Variants in PIBF1 observed in about 807,000 individuals in gnomAD.
PIBF1 encodes progesterone-induced-blocking factor 1.
PIBF1 carries 90 observed loss-of-function variants against 112.5 expected under a neutral mutation model. That is an observed-to-expected ratio of 0.80 (90% confidence interval 0.67 to 0.95). The LOEUF (loss-of-function observed/expected upper bound fraction) is 0.95. Ranked by LOEUF, PIBF1 falls within the 40% of genes least tolerant of loss-of-function variation. The pLI is 0.00. For synonymous variants in PIBF1, 301 were observed against 288.6 expected (o/e 1.04, Z -0.44); for missense variants, 915 against 852.3 (o/e 1.07, Z -0.92).
intron 17 of PIBF1, among the ~76,000 whole-genome samples, chr13:73,011,512 A>G (rs1426772692): frequency 6.6e-6 from 1 of 152,210 alleles, no homozygotes; most frequent in East Asian, 1.9e-4. Flanking sequence ...TATTTTAACT[A>G]GAAGCTACCC....
chr13:72,882,742 C>T (rs545661352), intron 10 of PIBF1, among the ~76,000 whole-genome samples: 9 of 152,250 alleles, frequency 5.9e-5, no homozygotes, highest in African/African-American at 1.4e-4. Flanking sequence ...AATGAGACAT[C>T]GTCTCACCCC....
chr13:72,902,024 A>G (rs201512335), intron 11 of PIBF1, among the ~76,000 whole-genome samples: 27 of 22,204 alleles, frequency 1.2e-3, no homozygotes, highest in East Asian at 0.011. Flanking sequence ...GTGTGTGTGT[A>G]TACACACACA....
At chr13:72,892,785 T>C (rs1415237889) in intron 10 of PIBF1, among the ~76,000 whole-genome samples, 7 of 140,710 alleles carry the variant, frequency 5.0e-5, no homozygotes, top group South Asian at 2.4e-4. Flanking sequence ...CCTCCTGCCT[T>C]ACACACACAC....
At chr13:72,943,326 T>C (rs1413592703) in intron 14 of PIBF1, among the ~76,000 whole-genome samples, 1 of 152,206 alleles carries the variant, frequency 6.6e-6, no homozygotes, top group Non-Finnish European at 1.5e-5. Flanking sequence ...TAATTTATTG[T>C]ATATTTCAAA....
intron 14 of PIBF1, among the ~76,000 whole-genome samples, chr13:72,950,177 T>G (rs2042258682): frequency 6.6e-6 from 1 of 152,216 alleles, no homozygotes; most frequent in South Asian, 2.1e-4. Flanking sequence ...TTGGTTGGAA[T>G]TAGTATCATT....
intron 16 of PIBF1, among the ~76,000 whole-genome samples, chr13:72,987,858 A>ATTTTT (rs55999445): frequency 1.0e-4 from 6 of 58,118 alleles, no homozygotes; most frequent in South Asian, 8.1e-4. Context: ...TTATTTATTT[A>ATTTTT]TTTTTTTTTT....
intron 5 of PIBF1, among the ~76,000 whole-genome samples, chr13:72,798,625 T>C (rs1292553003): frequency 6.6e-6 from 1 of 152,200 alleles, no homozygotes; most frequent in Non-Finnish European, 1.5e-5. Flanking sequence ...TCAACATTTA[T>C]ATAGAAGGGT....
At chr13:72,912,872 T>C (rs1350677168) in intron 12 of PIBF1, among the ~76,000 whole-genome samples, 2 of 151,974 alleles carry the variant, frequency 1.3e-5, no homozygotes, top group Non-Finnish European at 2.9e-5. Flanking sequence ...TGTATGATTA[T>C]AGTATGTGGT....
At chr13:72,804,195 T>C (rs1344680242) in intron 5 of PIBF1, among the ~76,000 whole-genome samples, 1 of 152,094 alleles carries the variant, frequency 6.6e-6, no homozygotes, top group Admixed American at 6.6e-5. Context: ...CTCTTAACTA[T>C]AGTGGGAGAA....
At chr13:72,803,161 A>C (rs2035562300) in intron 5 of PIBF1, among the ~76,000 whole-genome samples, 1 of 152,148 alleles carries the variant, frequency 6.6e-6, no homozygotes, top group South Asian at 2.1e-4. Context: ...ACTCTTTCTG[A>C]GTAATACTAC....
intron 10 of PIBF1, among the ~76,000 whole-genome samples, chr13:72,870,112 C>T (rs1284766611): frequency 6.6e-6 from 1 of 152,132 alleles, no homozygotes; most frequent in East Asian, 1.9e-4. Context: ...TAGCTAAACT[C>T]ATTTTCCATT....
intron 16 of PIBF1, among the ~76,000 whole-genome samples, chr13:72,982,813 C>A (rs1334643869): frequency 6.6e-6 from 1 of 152,136 alleles, no homozygotes; most frequent in Non-Finnish European, 1.5e-5. Context: ...TCTCCTGTAT[C>A]CAAGGACAAT....
In PIBF1 at chr13:72,950,329, C is replaced by G. The variant is rs184829382; in HGVS notation, c.1834-14945C>G. On this transcript the variant is annotated intron_variant, in intron 14 of 17. Coordinates refer to ENST00000326291, the MANE Select transcript of PIBF1 (RefSeq NM_006346.4). ...AGACCACGTCTTCAAAAAAAGGTAC[C>G]CCTCCAATTCAATAGTGATTTCCTT... Among the ~76,000 whole-genome samples the G allele has an allele frequency of 4.6e-5, 7 of 152,208 alleles. No homozygotes were observed. In the East Asian group the frequency reaches 7.7e-4, roughly 17 times the overall value.
At chr13:73,006,500 G>C (rs1213206888) in intron 17 of PIBF1, among the ~76,000 whole-genome samples, 1 of 152,142 alleles carries the variant, frequency 6.6e-6, no homozygotes, top group Non-Finnish European at 1.5e-5. Context: ...ACTCACTTAA[G>C]TTGGGCCCTG....
At chr13:72,837,191 G>A (rs889318142) in intron 9 of PIBF1, among the ~76,000 whole-genome samples, 4 of 151,822 alleles carry the variant, frequency 2.6e-5, no homozygotes, top group Non-Finnish European at 5.9e-5. Context: ...GAAATTATAC[G>A]TATTCTTAAA....
At chr13:72,851,315 G>T (rs1183294771) in intron 9 of PIBF1, among the ~76,000 whole-genome samples, 1 of 152,236 alleles carries the variant, frequency 6.6e-6, no homozygotes, top group East Asian at 1.9e-4. Context: ...AGAAATGCCT[G>T]TTCCCGCTGC....
intron 16 of PIBF1, among the ~76,000 whole-genome samples, chr13:72,986,929 G>T (rs1049014922): frequency 6.6e-5 from 10 of 151,356 alleles, no homozygotes; most frequent in African/African-American, 2.4e-4. Flanking sequence ...CTGACCTCCT[G>T]ATCCACCTGC....
At chr13:72,984,764 A>G (rs2043234008) in intron 16 of PIBF1, among the ~76,000 whole-genome samples, 1 of 152,102 alleles carries the variant, frequency 6.6e-6, no homozygotes, top group African/African-American at 2.4e-5. Flanking sequence ...TTCTTCTTTA[A>G]TCTTTTCATT....
chr13:72,929,728 A>G (rs1258364866), intron 13 of PIBF1, among the ~76,000 whole-genome samples: 1 of 152,154 alleles, frequency 6.6e-6, no homozygotes, highest in Admixed American at 6.6e-5. Flanking sequence ...TTCCATCTCT[A>G]ATGCCAGTTG....
Sources: allele counts gnomAD v4.1 joint callset (sites outside exome capture counted in the v4.1 genomes callset), GRCh38; gene constraint gnomAD v4.1.1; transcripts MANE v1.5; gene names NCBI Gene and HGNC (gene_info 2026-07-23, HGNC 2026-07-21).